The following IQSEC3 variants were observed in gnomAD, a reference collection of about 807,000 sequenced individuals.
IQSEC3 encodes the protein IQ motif and SEC7 domain-containing protein 3.
IQSEC3 carries 50 observed loss-of-function variants against 105.4 expected under a neutral mutation model. The ratio of observed to expected loss-of-function variants is 0.47; its 90% CI spans 0.38 to 0.60. IQSEC3 has a LOEUF of 0.60. IQSEC3 is among the 20% of genes least tolerant of loss of function. The pLI, the probability that IQSEC3 is intolerant of heterozygous loss-of-function variation, is 0.00. For synonymous variants in IQSEC3, 708 were observed against 746.0 expected (o/e 0.95, Z 0.83); for missense variants, 1,415 against 1,630.0 (o/e 0.87, Z 2.27).
intron 2 of IQSEC3, among the ~76,000 whole-genome samples, chr12:102,613 G>A (rs1421037626): frequency 1.3e-5 from 2 of 152,202 alleles, no homozygotes; most frequent in Non-Finnish European, 2.9e-5. Flanking sequence ...CTCCCGAAGA[G>A]GCAGAGAAGC....
intron 1 of IQSEC3, among the ~76,000 whole-genome samples, chr12:76,786 G>A (rs1555069283): frequency 2.0e-5 from 3 of 152,372 alleles, no homozygotes; most frequent in Non-Finnish European, 2.9e-5. Context: ...GGTACGGGGC[G>A]GCCAGACACA....
chr12:118,666 T>C (rs1413395069), intron 2 of IQSEC3, among the ~76,000 whole-genome samples: 1 of 152,214 alleles, frequency 6.6e-6, no homozygotes, highest in African/African-American at 2.4e-5. Context: ...GCTCCTGCTC[T>C]GGCAAGCCAC....
intron 3 of IQSEC3, among the ~76,000 whole-genome samples, chr12:132,843 A>G (rs1032414424): frequency 6.6e-6 from 1 of 152,218 alleles, no homozygotes; most frequent in African/African-American, 2.4e-5. Flanking sequence ...AGTCATTCCC[A>G]TCATTGTCAC....
chr12:164,287 A>G (rs529718105), intron 9 of IQSEC3, among the ~76,000 whole-genome samples: 1 of 152,156 alleles, frequency 6.6e-6, no homozygotes, highest in South Asian at 2.1e-4. Context: ...CTCCACTACT[A>G]CAGTCTTAGT....
intron 1 of IQSEC3, among the ~76,000 whole-genome samples, chr12:91,011 G>A (rs1232621278): frequency 6.6e-6 from 1 of 152,106 alleles, no homozygotes; most frequent in Non-Finnish European, 1.5e-5. Flanking sequence ...GCAATTTTAT[G>A]ATTTCTCCCT....
intron 1 of IQSEC3, among the ~76,000 whole-genome samples, chr12:78,428 T>C (rs1404974131): frequency 1.3e-5 from 2 of 151,496 alleles, no homozygotes; most frequent in South Asian, 2.1e-4. Context: ...GGGTCGGGGA[T>C]GAGGACGGTG....
chr12:139,332 A>G lies in IQSEC3; in HGVS notation c.1969A>G (p.Ile657Val). 1 of 1,581,598 alleles carries G rather than the reference A, an allele frequency of 6.3e-7. No individual in the cohort carries two copies. The highest frequency in any genetic ancestry group is 1.2e-5 in the South Asian group (1 of 86,456). Residue 657 changes from isoleucine (I) to valine (V), a missense_variant, in exon 4 of 14, where the codon ATC becomes GTC. Transcript: ENST00000538872. Reference protein sequence around the residue: ...TDTLRKRLYRIGLNLFNINPD... With the variant: ...TDTLRKRLYRVGLNLFNINPD... ...CACCCTGCGCAAGCGGCTCTACCGCATCGGCCTCAACCTCTTCAACATGTA... is the reference window on the plus strand; with the variant it reads ...CACCCTGCGCAAGCGGCTCTACCGCGTCGGCCTCAACCTCTTCAACATGTA...
chr12:96,702 G>GT (rs1164790116), intron 1 of IQSEC3, among the ~76,000 whole-genome samples: 3 of 152,168 alleles, frequency 2.0e-5, no homozygotes, highest in African/African-American at 7.2e-5. Flanking sequence ...CTGTTTTAAT[G>GT]TTTTTTGTTA....
At chr12:131,100 G>A (rs1005547562) in intron 3 of IQSEC3, among the ~76,000 whole-genome samples, 5 of 135,456 alleles carry the variant, frequency 3.7e-5, no homozygotes, top group Non-Finnish European at 7.7e-5. Context: ...TGGCTTGGCC[G>A]CCATCTTTCA....
At position 125,924 on chromosome 12, in the gene IQSEC3, C is replaced by T; in HGVS notation, c.903+12C>T. On this transcript the variant is annotated intron_variant, in intron 3 of 13. Coordinates refer to ENST00000538872, the MANE Select transcript of IQSEC3 (RefSeq NM_001170738.2). ...TAAAGAATAAACAGGTACCCAGGGC[C>T]TCCTAGGGGGGCGGGGAGGGTGGTG... 2.0e-6 allele frequency: 3 copies of T among 1,530,600 alleles called. No homozygotes were observed. The highest frequency in any genetic ancestry group is 2.6e-6 in the Non-Finnish European group (3 of 1,145,230). 94.8% of individuals were successfully genotyped at this position (1,530,600 alleles called of 1,614,324 possible).
At chr12:125,961 C>CT in intron 3 of IQSEC3, 49 bp downstream of exon 3, 1 of 1,449,340 alleles carries the variant, frequency 6.9e-7, no homozygotes, top group South Asian at 1.2e-5. Flanking sequence ...AGGGGCCCTG[C>CT]TTTGGGGGCT....
chr12:145,268 A>C (rs1371585646), intron 5 of IQSEC3, among the ~76,000 whole-genome samples: 1 of 152,140 alleles, frequency 6.6e-6, no homozygotes, highest in Non-Finnish European at 1.5e-5. Context: ...TGTAAATGTT[A>C]GCTCTTTCTT....
chr12:68,143 G>A (rs1488982347), intron 1 of IQSEC3, among the ~76,000 whole-genome samples: 4 of 147,848 alleles, frequency 2.7e-5, no homozygotes, highest in Non-Finnish European at 4.5e-5. Flanking sequence ...CCGCAGAGCC[G>A]AAGAGGTGCA....
In IQSEC3 at chr12:139,298, C is replaced by T. The variant is rs1056051722; in HGVS notation, c.1935C>T (p.Leu645=). The T allele has an allele frequency of 3.1e-6, 5 of 1,604,332 alleles. No homozygotes were observed. Among genetic ancestry groups the T allele is most frequent in the Non-Finnish European group, 4.3e-6 (5 of 1,176,086 alleles). The change falls in exon 4 of 14, where the codon CTC becomes CTT. Residue 645 remains leucine (L), a synonymous_variant. Coordinates refer to ENST00000538872, the MANE Select transcript of IQSEC3 (RefSeq NM_001170738.2). ...ENPASCKSPT[L]STDTLRKRLY... ...CAGCCAGCTGCAAGTCGCCCACGCTCTCCACCGACACCCTGCGCAAGCGGC... is the reference window on the plus strand; with the variant it reads ...CAGCCAGCTGCAAGTCGCCCACGCTTTCCACCGACACCCTGCGCAAGCGGC...
chr12:99,569 C>T (rs1326166510), intron 2 of IQSEC3, among the ~76,000 whole-genome samples: 1 of 152,206 alleles, frequency 6.6e-6, no homozygotes, highest in South Asian at 2.1e-4. Context: ...CAGTGGTGTG[C>T]GCTCAGCCCA....
In IQSEC3 at chr12:165,906, C is replaced by G; in HGVS notation, c.2971+16C>G. ...CGAATAGAGTGTAAGGACACGGGCT[C>G]CCGAGGCAGCTGGTGGGGGTTCCCA... is the stretch of plus-strand genomic sequence containing the variant. On this transcript the variant is annotated intron_variant, in intron 11 of 13. Transcript: ENST00000538872. The G allele has an allele frequency of 6.2e-7, 1 of 1,607,582 alleles. No homozygotes were observed. The highest frequency in any genetic ancestry group is 8.5e-7 in the Non-Finnish European group (1 of 1,175,190).
rs192521577 is a variant in IQSEC3 at position 160,099 on chromosome 12, G to A, written c.2444-1827G>A. On this transcript the variant is annotated intron_variant, in intron 7 of 13. Transcript: ENST00000538872. ...TAGATGCAATATCTTCTCCCATCTC[G>A]GTGAAGATGTTAATATTGGTTTGTT... Among the ~76,000 whole-genome samples, 176 of 151,264 alleles carry A rather than the reference G, an allele frequency of 1.2e-3. 1 individual carries two copies. The highest frequency in any genetic ancestry group is 4.1e-3 in the African/African-American group (169 of 41,256).
Position 69,521 on chromosome 12 carries a change from T to A in IQSEC3, c.554+2085T>A, listed in dbSNP as rs1863227522. On this transcript the variant is annotated intron_variant, in intron 1 of 13. Transcript: ENST00000538872. ...TGGAGCAGAGTGGAAGTTATTGGAA[T>A]CTTTCACTTAGAAAGTTGCCCCAGG... Among the ~76,000 whole-genome samples, 3 of 152,394 alleles carry A rather than the reference T, an allele frequency of 2.0e-5. No individual in the cohort carries two copies. The South Asian group carries it at 6.2e-4, about 32-fold the overall frequency.
chr12:165,359 C>T (rs1250401864), intron 9 of IQSEC3, 75 bp from the exon 10 acceptor site: 2 of 1,092,732 alleles, frequency 1.8e-6, no homozygotes, highest in African/African-American at 1.5e-5. Flanking sequence ...ATCGTGCATC[C>T]CCCGGGTGTT....
Sources: gnomAD v4.1 joint callset for allele counts (sites outside exome capture counted in the v4.1 genomes callset) on GRCh38, gnomAD v4.1.1 for gene constraint, MANE v1.5 for transcripts, NCBI Gene and HGNC (gene_info 2026-07-23, HGNC 2026-07-21) for gene names.